Variants in NRG1 observed in about 807,000 individuals in gnomAD.
The protein encoded by NRG1 is pro-neuregulin-1, membrane-bound isoform.
NRG1 carries 18 observed loss-of-function variants against 63.8 expected under a neutral mutation model. The observed-to-expected ratio is 0.28, with a 90% CI of 0.19 to 0.42. The LOEUF (loss-of-function observed/expected upper bound fraction) is 0.42, where lower values mean the gene tolerates loss of function less well. Ranked by LOEUF, NRG1 falls within the 10% of genes least tolerant of loss-of-function variation. NRG1 has a pLI of 1.00. For missense variants in NRG1, 762 were observed against 814.7 expected (o/e 0.94, Z 0.79); for synonymous variants, 302 against 301.3 (o/e 1.00, Z -0.02).
upstream of NRG1, among the ~76,000 whole-genome samples, chr8:32,543,699 C>T (rs565401874): frequency 1.3e-5 from 2 of 152,062 alleles, no homozygotes; most frequent in Non-Finnish European, 2.9e-5. Context: ...AAAAGTCACA[C>T]AAGCAGAAAA....
At chr8:31,807,439 T>A (rs1338304447) in intron 1 of NRG1, among the ~76,000 whole-genome samples, 2 of 152,150 alleles carry the variant, frequency 1.3e-5, no homozygotes, top group Non-Finnish European at 2.9e-5. Flanking sequence ...TTGTTTTATA[T>A]CCTGGGGGTA....
chr8:31,981,505 C>T (rs1809095872), intron 1 of NRG1, among the ~76,000 whole-genome samples: 1 of 151,950 alleles, frequency 6.6e-6, no homozygotes, highest in South Asian at 2.1e-4. Context: ...ATTTTTCCAC[C>T]TTGCAAATAG....
rs117862907 is a variant in NRG1 at position 32,706,838 on chromosome 8, G to A, written c.503-21111G>A. On this transcript the variant is annotated intron_variant, in intron 5 of 11. Coordinates refer to ENST00000356819, the Ensembl canonical transcript of NRG1. ...CTTGTATACTTTGACTCTGTTGGTC[G>A]TTAAAATGTATAGTCATAATTACTC... Among the ~76,000 whole-genome samples, 530 of 152,104 alleles carry A rather than the reference G, an allele frequency of 3.5e-3. 4 individuals are homozygous for A. The Middle Eastern group carries it at 0.044, about 13-fold the overall frequency.
intron 1 of NRG1, among the ~76,000 whole-genome samples, chr8:31,735,252 G>T (rs1336890834): frequency 6.6e-6 from 1 of 152,046 alleles, no homozygotes; most frequent in African/African-American, 2.4e-5. Flanking sequence ...GCCAAAAGTG[G>T]TTTATGACAA....
At chr8:32,664,060 T>C (rs1803531864) in intron 5 of NRG1, among the ~76,000 whole-genome samples, 2 of 152,170 alleles carry the variant, frequency 1.3e-5, no homozygotes, top group South Asian at 4.1e-4. Flanking sequence ...TGTTTTATAT[T>C]ATGAATTAGG....
chr8:32,087,395 G>A (rs1262185137), intron 1 of NRG1, among the ~76,000 whole-genome samples: 1 of 151,884 alleles, frequency 6.6e-6, no homozygotes, highest in East Asian at 1.9e-4. Flanking sequence ...AGATGCTGGA[G>A]CCGTGGTGGT....
intron 1 of NRG1, among the ~76,000 whole-genome samples, chr8:32,231,590 T>C (rs963178759): frequency 3.3e-5 from 5 of 152,130 alleles, no homozygotes; most frequent in African/African-American, 1.2e-4. Context: ...TTGTTTGTAA[T>C]ATGGCACTTT....
intron 1 of NRG1, among the ~76,000 whole-genome samples, chr8:32,043,007 C>T (rs1005801214): frequency 3.4e-4 from 18 of 52,986 alleles, no homozygotes; most frequent in African/African-American, 6.7e-4. Flanking sequence ...TGTACACAAA[C>T]GTATATAAAC....
intron 5 of NRG1, among the ~76,000 whole-genome samples, chr8:32,632,409 C>T (rs1002703372): frequency 9.2e-5 from 14 of 152,068 alleles, no homozygotes; most frequent in South Asian, 6.2e-4. Context: ...ATTAGCCGGG[C>T]GTGGTGGTGC....
At chr8:32,548,466 C>G (rs1254996437) in exon 1 of NRG1, 4 of 1,179,624 alleles carry the variant, frequency 3.4e-6, no homozygotes, top group Non-Finnish European at 4.2e-6. Context: ...AGCGGTGGGA[C>G]CCATCGACGA....
chr8:31,893,060 TA>T (rs1831277023), intron 1 of NRG1, among the ~76,000 whole-genome samples: 1 of 151,646 alleles, frequency 6.6e-6, no homozygotes, highest in African/African-American at 2.4e-5. Flanking sequence ...CCTAAGAGTA[TA>T]AAAGCCCAGA....
intron 1 of NRG1, among the ~76,000 whole-genome samples, chr8:32,471,044 C>T (rs535270519): frequency 9.9e-5 from 15 of 152,216 alleles, no homozygotes; most frequent in Non-Finnish European, 1.8e-4. Flanking sequence ...GCAAGCAATC[C>T]TCCCACCTCA....
chr8:32,440,517 A>G (rs1278073681), intron 1 of NRG1, among the ~76,000 whole-genome samples: 2 of 152,090 alleles, frequency 1.3e-5, no homozygotes, highest in African/African-American at 2.4e-5. Flanking sequence ...CTTTAATTTG[A>G]TCATATTTTT....
chr8:31,712,952 ATCAATCAG>A (rs1811932514), intron 1 of NRG1, among the ~76,000 whole-genome samples: 1 of 151,382 alleles, frequency 6.6e-6, no homozygotes. Flanking sequence ...CAATCAATCA[ATCAATCAG>A]TCATCTCTCT....
chr8:32,676,065 A>G (rs893863072), intron 5 of NRG1, among the ~76,000 whole-genome samples: 4 of 152,194 alleles, frequency 2.6e-5, no homozygotes, highest in African/African-American at 9.6e-5. Context: ...AAAAGTAGCA[A>G]TTATTGTTAT....
At chr8:32,690,277 C>A (rs1265420530) in intron 5 of NRG1, among the ~76,000 whole-genome samples, 2 of 152,080 alleles carry the variant, frequency 1.3e-5, no homozygotes, top group African/African-American at 4.8e-5. Flanking sequence ...ATCCCAAGAA[C>A]CCTTAATTCC....
intron 1 of NRG1, among the ~76,000 whole-genome samples, chr8:31,653,976 G>C (rs1040373001): frequency 1.3e-5 from 2 of 151,346 alleles, no homozygotes; most frequent in African/African-American, 4.9e-5. Flanking sequence ...TTCATAGTAG[G>C]ATAAATTAAA....
At chr8:32,152,200 A>T (rs900909723) in intron 1 of NRG1, among the ~76,000 whole-genome samples, 1 of 152,224 alleles carries the variant, frequency 6.6e-6, no homozygotes, top group Non-Finnish European at 1.5e-5. Context: ...TGTGGTCTTC[A>T]TAGGGAGATA....
chr8:32,694,906 T>G (rs1260090362), intron 5 of NRG1, among the ~76,000 whole-genome samples: 1 of 152,168 alleles, frequency 6.6e-6, no homozygotes, highest in Non-Finnish European at 1.5e-5. Flanking sequence ...TTCAGGACCC[T>G]CCTTGTTCAG....
Sources: allele counts gnomAD v4.1 joint callset (sites outside exome capture counted in the v4.1 genomes callset), GRCh38; gene constraint gnomAD v4.1.1; transcripts MANE v1.5; gene names NCBI Gene and HGNC (gene_info 2026-07-23, HGNC 2026-07-21).